The following MTAP variants were observed in gnomAD, a reference collection of about 807,000 sequenced individuals.
MTAP encodes methylthioadenosine phosphorylase, also known as S-methyl-5'-thioadenosine phosphorylase.
MTAP carries 33 observed loss-of-function variants against 33.6 expected under a neutral mutation model. That is an observed-to-expected ratio of 0.98 (90% CI 0.74 to 1.31). The LOEUF (loss-of-function observed/expected upper bound fraction) is 1.31, where lower values mean the gene tolerates loss of function less well. Ranked by LOEUF, MTAP falls within the 40% of genes most tolerant of loss-of-function variation. The pLI is 0.00. For missense variants in MTAP, 367 were observed against 360.0 expected, an observed-to-expected ratio of 1.02 and a Z score of -0.16; for synonymous variants, 148 against 125.7, an observed-to-expected ratio of 1.18 and a Z score of -1.19.
At chr9:21,831,078 A>C (rs897339682) in intron 4 of MTAP, among the ~76,000 whole-genome samples, 2 of 152,176 alleles carry the variant, frequency 1.3e-5, no homozygotes, top group Admixed American at 1.3e-4. Flanking sequence ...TTTCTAGCCC[A>C]GTTCTTGTTA....
chr9:21,934,051 C>G (rs1819004986), downstream of MTAP: 1 of 152,228 alleles, frequency 6.6e-6, no homozygotes, highest in South Asian at 2.1e-4. The surrounding 1 kb of genome is among the most constrained non-coding windows in gnomAD (Gnocchi z 5.0). Flanking sequence ...TCCAGAGTTA[C>G]AGCTGATTCA....
chr9:21,928,264 A>G (rs1818899737), intron 1 of MTAP, among the ~76,000 whole-genome samples: 2 of 152,220 alleles, frequency 1.3e-5, no homozygotes, highest in Admixed American at 1.3e-4. Context: ...GTAAATTTGT[A>G]AATGGGTGTT....
intron 4 of MTAP, among the ~76,000 whole-genome samples, chr9:21,830,764 A>G (rs1385802256): frequency 2.0e-5 from 3 of 152,202 alleles, no homozygotes; most frequent in East Asian, 1.9e-4. Flanking sequence ...AAGACCTCAT[A>G]AAAGAGTCAA....
rs183113498 is a variant in MTAP at position 21,884,995 on chromosome 9, T to C, written c.147+30125T>C. ...TTAGAAGGGAGGGAAAGGGTTATGA[T>C]AGAGAAAGAATATATGGTGGGAAGG... On this transcript the variant is annotated intron_variant, in intron 1 of 1. Coordinates refer to the MTAP transcript ENST00000577563. 9.6e-4 allele frequency among the ~76,000 whole-genome samples: 146 copies of C among 152,224 alleles called. 1 individual carries two copies. Among genetic ancestry groups the C allele is most frequent in the African/African-American group, 3.5e-3 (144 of 41,526 alleles).
downstream of MTAP, chr9:21,935,598 C>T (rs1431877929): frequency 1.3e-5 from 2 of 152,034 alleles, no homozygotes; most frequent in Non-Finnish European, 2.9e-5. Flanking sequence ...TCTCTCTGGG[C>T]CTGATAAATT....
Position 21,818,027 on chromosome 9 carries a change from T to C in MTAP, c.180-8T>C, listed in dbSNP as rs749147901. 6.2e-7 allele frequency: 1 copy of C among 1,605,512 alleles called. No homozygotes were observed. Among genetic ancestry groups the C allele is most frequent in the Non-Finnish European group, 8.5e-7 (1 of 1,177,066 alleles). ...CACGGGTTAACAATTTCTTCTCTCC[T>C]TCCATAGGCATGGAAGGCAGCACAC... is the stretch of plus-strand genomic sequence containing the variant. On this transcript the variant is annotated splice_region_variant and splice_polypyrimidine_tract_variant and intron_variant, in intron 3 of 7. Transcript: ENST00000644715.
chr9:21,847,165 G>T (rs528536368), intron 5 of MTAP, among the ~76,000 whole-genome samples: 1 of 152,320 alleles, frequency 6.6e-6, no homozygotes, highest in East Asian at 1.9e-4. Flanking sequence ...ACATCAGACT[G>T]CAAGTTCTTC....
intron 1 of MTAP, among the ~76,000 whole-genome samples, chr9:21,885,821 TA>T (rs1363077218): frequency 6.8e-6 from 1 of 147,902 alleles, no homozygotes; most frequent in East Asian, 2.0e-4. Flanking sequence ...TGTGTGTGTG[TA>T]TACAGATCAC....
intron 5 of MTAP, among the ~76,000 whole-genome samples, chr9:21,847,323 T>C (rs1825408174): frequency 6.6e-6 from 1 of 152,200 alleles, no homozygotes; most frequent in Non-Finnish European, 1.5e-5. Context: ...CCCTGACTAA[T>C]ACAGATTTTG....
At chr9:21,900,393 A>G (rs1318820623) in intron 1 of MTAP, among the ~76,000 whole-genome samples, 1 of 152,200 alleles carries the variant, frequency 6.6e-6, no homozygotes, top group African/African-American at 2.4e-5. Flanking sequence ...ATGTACATGC[A>G]GCCAACAAGC....
chr9:21,876,823 C>T (rs918706770), intron 1 of MTAP, among the ~76,000 whole-genome samples: 2 of 151,766 alleles, frequency 1.3e-5, no homozygotes, highest in South Asian at 4.2e-4. Context: ...GTTCTCTTTG[C>T]GTAGGATTGC....
intron 1 of MTAP, among the ~76,000 whole-genome samples, chr9:21,915,707 G>GTA (rs1818677274): frequency 6.6e-6 from 1 of 152,026 alleles, no homozygotes; most frequent in African/African-American, 2.4e-5. Flanking sequence ...CTATGGTGTT[G>GTA]AGAATATACT....
chr9:21,846,490 G>C (rs1369310285), intron 5 of MTAP, among the ~76,000 whole-genome samples: 2 of 150,832 alleles, frequency 1.3e-5, no homozygotes, highest in Non-Finnish European at 3.0e-5. Context: ...ATGAAAAAAT[G>C]CTCAAAATTA....
chr9:21,928,808 C>G (rs1242415022), intron 1 of MTAP, among the ~76,000 whole-genome samples: 1 of 151,904 alleles, frequency 6.6e-6, no homozygotes, highest in Admixed American at 6.6e-5. Context: ...ATCTGTATTG[C>G]CCCTAAGGCT....
At chr9:21,816,458 C>G (rs1032195582) in intron 2 of MTAP, among the ~76,000 whole-genome samples, 13 of 152,182 alleles carry the variant, frequency 8.5e-5, no homozygotes, top group African/African-American at 3.1e-4. Context: ...CCCTGGGGTA[C>G]TCGTTACAAA....
chr9:21,863,091 T>A lies in MTAP; in HGVS notation c.*1077T>A. On this transcript the variant is annotated 3_prime_UTR_variant, in exon 8 of 8. Transcript: ENST00000644715. Reference sequence around the variant, plus strand: ...CTGTACAGTCAGAACAGTACTTGGGTTTGCAACAGCTTTCTGAGAAAAGCT... The same window carrying A: ...CTGTACAGTCAGAACAGTACTTGGGATTGCAACAGCTTTCTGAGAAAAGCT... 1.0e-6 allele frequency: 1 copy of A among 985,286 alleles called. No individual in the cohort carries two copies. Among genetic ancestry groups the A allele is most frequent in the Non-Finnish European group, 1.2e-6 (1 of 829,824 alleles). The allele number at this position is 985,286 out of a possible 1,614,324, so 61.0% of individuals were successfully genotyped here.
rs1376335278 is a variant in MTAP, at chr9:21,866,933, A to G, written c.*4919A>G. 6.6e-6 allele frequency: 1 copy of G among 152,128 alleles called. No individual in the cohort carries two copies. Among genetic ancestry groups the G allele is most frequent in the African/African-American group, 2.4e-5 (1 of 41,436 alleles). The allele number at this position is 152,128 out of a possible 1,614,324, so 9.4% of individuals were successfully genotyped here. A position where few individuals can be genotyped will look rare whatever the true frequency, so the allele number is the denominator to read the frequency against. ...AGAAGTCTTGTATATATCTTTTGTT[A>G]AATGTATTCCTAAATATTTTGTGGA... On this transcript the variant is annotated 3_prime_UTR_variant, in exon 8 of 8. Transcript: ENST00000644715.
intron 1 of MTAP, among the ~76,000 whole-genome samples, chr9:21,889,224 G>A (rs1004397719): frequency 6.6e-6 from 1 of 151,808 alleles, no homozygotes; most frequent in Non-Finnish European, 1.5e-5. Context: ...CAAAAGCCTT[G>A]TCCTCAAGCT....
chr9:21,897,143 C>T (rs938605123), intron 1 of MTAP, among the ~76,000 whole-genome samples: 1 of 152,146 alleles, frequency 6.6e-6, no homozygotes, highest in African/African-American at 2.4e-5. Flanking sequence ...ATGATTATCT[C>T]AATAGATGCA....
Sources: gnomAD v4.1 joint callset for allele counts (sites outside exome capture counted in the v4.1 genomes callset) on GRCh38, gnomAD v4.1.1 for gene constraint, Gnocchi (gnomAD v3.1) non-coding constraint, MANE v1.5 for transcripts, NCBI Gene and HGNC (gene_info 2026-07-23, HGNC 2026-07-21) for gene names.